Variants in SLC25A21 observed in about 807,000 individuals in gnomAD.
SLC25A21 encodes the protein solute carrier family 25 member 21.
SLC25A21 carries 47 observed loss-of-function variants against 43.8 expected under a neutral mutation model. The observed-to-expected ratio is 1.07, with a 90% confidence interval of 0.85 to 1.37. The LOEUF (loss-of-function observed/expected upper bound fraction) is 1.37, where lower values mean the gene tolerates loss of function less well. Ranked by LOEUF, SLC25A21 falls within the 40% of genes most tolerant of loss-of-function variation. The probability of loss-of-function intolerance (pLI) is 0.00; values close to 1 mark genes in which losing one functional copy is unlikely to be tolerated. For synonymous variants in SLC25A21, 131 were observed against 121.3 expected (o/e 1.08, Z -0.52); for missense variants, 352 against 350.2 (o/e 1.00, Z -0.04).
chr14:37,104,121 T>C (rs984859695), intron 1 of SLC25A21, among the ~76,000 whole-genome samples: 1 of 152,204 alleles, frequency 6.6e-6, no homozygotes, highest in Non-Finnish European at 1.5e-5. Flanking sequence ...AGTTCTGAAA[T>C]GGTTTAATTC....
intron 6 of SLC25A21, among the ~76,000 whole-genome samples, chr14:36,713,983 T>G (rs1347901551): frequency 6.6e-6 from 1 of 151,976 alleles, no homozygotes. Context: ...CCAGCCTGGA[T>G]GACAGAGTGA....
intron 6 of SLC25A21, among the ~76,000 whole-genome samples, chr14:36,723,553 G>A (rs892241140): frequency 6.6e-6 from 1 of 152,128 alleles, no homozygotes. Flanking sequence ...TTTAAAAAAT[G>A]GCTAAATATA....
chr14:36,730,561 T>C (rs1361359072), intron 4 of SLC25A21, among the ~76,000 whole-genome samples: 1 of 152,178 alleles, frequency 6.6e-6, no homozygotes, highest in African/African-American at 2.4e-5. Flanking sequence ...AAATACTCTG[T>C]TGTTAGGAAG....
chr14:37,060,605 CCACACA>C (rs10560891), intron 1 of SLC25A21, among the ~76,000 whole-genome samples: 4 of 149,142 alleles, frequency 2.7e-5, no homozygotes, highest in Non-Finnish European at 4.5e-5. Flanking sequence ...CCATTAAACA[CCACACA>C]CACACACACA....
At chr14:37,080,396 C>G (rs1962363318) in intron 1 of SLC25A21, among the ~76,000 whole-genome samples, 1 of 152,140 alleles carries the variant, frequency 6.6e-6, no homozygotes, top group Admixed American at 6.5e-5. Context: ...AATTCAAGAC[C>G]AGCCTAAGCA....
chr14:37,130,663 T>A (rs990337339), intron 1 of SLC25A21, among the ~76,000 whole-genome samples: 1 of 152,246 alleles, frequency 6.6e-6, no homozygotes, highest in African/African-American at 2.4e-5. Flanking sequence ...CATGGCTCTT[T>A]GAGACACACA....
chr14:36,854,761 T>C (rs1442318902), intron 2 of SLC25A21, among the ~76,000 whole-genome samples: 1 of 152,158 alleles, frequency 6.6e-6, no homozygotes, highest in Non-Finnish European at 1.5e-5. Context: ...TGGGATCCTA[T>C]ATGAAAGGCC....
chr14:36,899,611 C>A (rs541319832), intron 1 of SLC25A21, among the ~76,000 whole-genome samples: 2 of 152,262 alleles, frequency 1.3e-5, no homozygotes, highest in East Asian at 3.9e-4. Context: ...GGTTTGGGAA[C>A]ATCAGTAACT....
chr14:36,698,559 G>A (rs1883140710), intron 7 of SLC25A21, among the ~76,000 whole-genome samples: 1 of 152,082 alleles, frequency 6.6e-6, no homozygotes, highest in Non-Finnish European at 1.5e-5. Context: ...CCAATCAAAC[G>A]TAAATTTGGT....
Position 36,710,201 on chromosome 14 carries a change from A to G in SLC25A21, c.603+1117T>C, listed in dbSNP as rs527322175. ...GGAGTTTGAGACCAGCCTGGTCATCATGGTGCCAAAATAAAAAAAAAATTA... is the reference window on the plus strand; with the variant it reads ...GGAGTTTGAGACCAGCCTGGTCATCGTGGTGCCAAAATAAAAAAAAAATTA... On this transcript the variant is annotated intron_variant, in intron 7 of 9. Coordinates refer to ENST00000331299, the MANE Select transcript of SLC25A21 (RefSeq NM_030631.4). 1.7e-4 allele frequency among the ~76,000 whole-genome samples: 26 copies of G among 151,978 alleles called. No individual in the cohort carries two copies. The South Asian group carries it at 2.7e-3, about 16-fold the overall frequency.
At chr14:37,040,373 GAGAAAGAAAGAAAGAA>G (rs767966979) in intron 1 of SLC25A21, among the ~76,000 whole-genome samples, 624 of 20,924 alleles carry the variant, frequency 0.03, 30 homozygotes, top group Middle Eastern at 0.038. Flanking sequence ...GAGAGAGAGA[GAGAAAGAAAGAAAGAA>G]AGAAAGAAAG....
chr14:36,859,659 T>C (rs1890008995), intron 2 of SLC25A21, among the ~76,000 whole-genome samples: 1 of 152,116 alleles, frequency 6.6e-6, no homozygotes, highest in Non-Finnish European at 1.5e-5. Context: ...CCCTGGAAAA[T>C]TCACTGACAC....
chr14:37,119,287 G>T (rs1290458776), intron 1 of SLC25A21, among the ~76,000 whole-genome samples: 1 of 152,170 alleles, frequency 6.6e-6, no homozygotes, highest in African/African-American at 2.4e-5. Context: ...AGTGGCTCAT[G>T]CCTGTAATCC....
chr14:36,741,009 T>G (rs972665347), intron 3 of SLC25A21, among the ~76,000 whole-genome samples: 1 of 152,086 alleles, frequency 6.6e-6, no homozygotes, highest in African/African-American at 2.4e-5. Flanking sequence ...TGGTAAATAG[T>G]GGGTAGACAG....
At chr14:36,854,404 A>C (rs1365620011) in intron 2 of SLC25A21, among the ~76,000 whole-genome samples, 1 of 152,230 alleles carries the variant, frequency 6.6e-6, no homozygotes, top group Non-Finnish European at 1.5e-5. Context: ...AATTGTAGCA[A>C]ACACAAGTAG....
chr14:36,834,066 A>T (rs1889124060), intron 2 of SLC25A21, among the ~76,000 whole-genome samples: 1 of 152,220 alleles, frequency 6.6e-6, no homozygotes, highest in Non-Finnish European at 1.5e-5. Context: ...ACCATCTTTT[A>T]AAACGCTATA....
At chr14:36,826,299 A>C (rs927344547) in intron 2 of SLC25A21, among the ~76,000 whole-genome samples, 4 of 152,190 alleles carry the variant, frequency 2.6e-5, no homozygotes, top group African/African-American at 9.7e-5. Flanking sequence ...GTTCTCCTGC[A>C]GTGTTCTCCT....
At chr14:36,948,186 T>C (rs931287555) in intron 1 of SLC25A21, among the ~76,000 whole-genome samples, 7 of 152,310 alleles carry the variant, frequency 4.6e-5, no homozygotes, top group East Asian at 1.9e-4. Flanking sequence ...ACTGCCTTAT[T>C]TATGACATAC....
intron 3 of SLC25A21, among the ~76,000 whole-genome samples, chr14:36,778,741 T>G (rs1368294249): frequency 6.6e-6 from 1 of 152,242 alleles, no homozygotes; most frequent in Non-Finnish European, 1.5e-5. Flanking sequence ...ATGTGATGAT[T>G]TGATACAGGT....
Sources: allele counts gnomAD v4.1 joint callset (sites outside exome capture counted in the v4.1 genomes callset), GRCh38; gene constraint gnomAD v4.1.1; transcripts MANE v1.5; gene names NCBI Gene and HGNC (gene_info 2026-07-23, HGNC 2026-07-21).